The following PTPRT variants were observed in gnomAD, a reference collection of about 807,000 sequenced individuals.
PTPRT encodes the protein protein tyrosine phosphatase receptor type T, also known as receptor-type tyrosine-protein phosphatase T.
PTPRT carries 56 observed loss-of-function variants against 176.8 expected under a neutral mutation model. The ratio of observed to expected loss-of-function variants is 0.32; its 90% CI spans 0.26 to 0.40. The LOEUF is 0.40. PTPRT is among the 10% of genes least tolerant of loss of function. PTPRT has a pLI of 1.00. For missense variants in PTPRT, 1,540 were observed against 1,908.2 expected (o/e 0.81, Z 3.60); for synonymous variants, 783 against 739.0 (o/e 1.06, Z -0.96).
chr20:42,468,780 C>G (rs533300370), intron 8 of PTPRT, among the ~76,000 whole-genome samples: 9 of 152,250 alleles, frequency 5.9e-5, no homozygotes, highest in Middle Eastern at 3.4e-3. Context: ...CTTGGGAAAA[C>G]CTTATTGTTC....
chr20:42,713,064 A>G (rs190030007), intron 6 of PTPRT, among the ~76,000 whole-genome samples: 1 of 152,236 alleles, frequency 6.6e-6, no homozygotes, highest in Non-Finnish European at 1.5e-5. Context: ...TAAGAAAAAG[A>G]AGATAATATG....
intron 23 of PTPRT, among the ~76,000 whole-genome samples, chr20:42,108,584 T>G (rs900841925): frequency 6.6e-6 from 1 of 152,346 alleles, no homozygotes; most frequent in Admixed American, 6.5e-5. Context: ...ATTATTACTA[T>G]TATATTCAAC....
chr20:42,268,251 G>A (rs188016320), intron 13 of PTPRT, among the ~76,000 whole-genome samples: 1 of 152,334 alleles, frequency 6.6e-6, no homozygotes, highest in East Asian at 1.9e-4. Flanking sequence ...TGAGAAACGT[G>A]TGGAAATAAA....
intron 11 of PTPRT, among the ~76,000 whole-genome samples, chr20:42,346,206 G>A (rs2058192515): frequency 6.6e-6 from 1 of 152,166 alleles, no homozygotes; most frequent in Admixed American, 6.5e-5. Flanking sequence ...GGGGAGGAAT[G>A]AGGGGGAAAG....
chr20:42,448,489 T>C (rs1357939525), intron 8 of PTPRT, among the ~76,000 whole-genome samples, 160 bp from the exon 9 acceptor site: 1 of 152,226 alleles, frequency 6.6e-6, no homozygotes, highest in Non-Finnish European at 1.5e-5. Context: ...TACTCAACTC[T>C]GTCATTTTAG....
chr20:42,651,000 G>C (rs934127056), intron 7 of PTPRT, among the ~76,000 whole-genome samples: 3 of 151,712 alleles, frequency 2.0e-5, no homozygotes, highest in South Asian at 2.1e-4. Context: ...TAAACTAAAG[G>C]CTACTTTATT....
chr20:42,796,534 G>A (rs374908745), intron 2 of PTPRT, among the ~76,000 whole-genome samples: 4 of 152,294 alleles, frequency 2.6e-5, no homozygotes, highest in East Asian at 1.9e-4. Flanking sequence ...CAGATTTTCC[G>A]ACTCCGATTT....
chr20:42,186,067 A>AGG (rs1247671751), intron 16 of PTPRT, among the ~76,000 whole-genome samples: 1 of 152,104 alleles, frequency 6.6e-6, no homozygotes, highest in Non-Finnish European at 1.5e-5. Flanking sequence ...TGAAGGGAGA[A>AGG]GGGGGTCAGG....
At chr20:42,364,368 C>T (rs1003443089) in intron 9 of PTPRT, among the ~76,000 whole-genome samples, 3 of 151,796 alleles carry the variant, frequency 2.0e-5, no homozygotes, top group African/African-American at 7.3e-5. Context: ...AGGAAAGGAA[C>T]GAAAGGGAGG....
At chr20:42,953,902 C>T (rs1037705838) in intron 1 of PTPRT, among the ~76,000 whole-genome samples, 3 of 152,196 alleles carry the variant, frequency 2.0e-5, no homozygotes, top group African/African-American at 7.2e-5. Flanking sequence ...CCCTTTCAGT[C>T]GTGACAAGCA....
intron 26 of PTPRT, 130 bp downstream of exon 26, chr20:42,101,994 G>T: frequency 9.1e-7 from 1 of 1,104,794 alleles, no homozygotes; most frequent in Non-Finnish European, 1.3e-6. Context: ...AAGGTCCTTG[G>T]GACTAGTAGA....
At chr20:42,906,327 C>G (rs2079477964) in intron 1 of PTPRT, among the ~76,000 whole-genome samples, 1 of 152,214 alleles carries the variant, frequency 6.6e-6, no homozygotes, top group Admixed American at 6.5e-5. Flanking sequence ...GAGGGGAGCA[C>G]AGCCGCTGAG....
chr20:42,684,322 G>T (rs2075655249), intron 6 of PTPRT, among the ~76,000 whole-genome samples: 1 of 151,636 alleles, frequency 6.6e-6, no homozygotes, highest in Admixed American at 6.6e-5. Context: ...TCCAACCTGG[G>T]CAACACAGCG....
At chr20:42,929,026 T>A (rs1979662902) in intron 1 of PTPRT, among the ~76,000 whole-genome samples, 1 of 152,240 alleles carries the variant, frequency 6.6e-6, no homozygotes, top group African/African-American at 2.4e-5. Flanking sequence ...TTTTTGGCTT[T>A]GCCCATCAAT....
intron 1 of PTPRT, among the ~76,000 whole-genome samples, chr20:43,002,435 A>G (rs1203570646): frequency 6.6e-6 from 1 of 152,206 alleles, no homozygotes; most frequent in Non-Finnish European, 1.5e-5. Flanking sequence ...TACTGTAAAT[A>G]TTTAGTTCCT....
intron 9 of PTPRT, among the ~76,000 whole-genome samples, chr20:42,410,795 G>T (rs1292131011): frequency 6.6e-6 from 1 of 152,146 alleles, no homozygotes; most frequent in Non-Finnish European, 1.5e-5. Context: ...CCCAATATTT[G>T]TAAATTATAC....
At chr20:42,979,511 C>T (rs377329537) in intron 1 of PTPRT, among the ~76,000 whole-genome samples, 1 of 152,018 alleles carries the variant, frequency 6.6e-6, no homozygotes, top group African/African-American at 2.4e-5. Context: ...TTCTACTGCA[C>T]GCTGTGCTGA....
At chr20:42,699,423 C>T (rs77795916) in intron 6 of PTPRT, among the ~76,000 whole-genome samples, 1,591 of 152,208 alleles carry the variant, frequency 0.01, 30 homozygotes, top group African/African-American at 0.037. Context: ...AAGGTGCACA[C>T]TCATGGATAT....
chr20:42,734,075 C>T (rs777103134), intron 6 of PTPRT, among the ~76,000 whole-genome samples: 1 of 152,216 alleles, frequency 6.6e-6, no homozygotes, highest in South Asian at 2.1e-4. Context: ...TTACTGATTC[C>T]TGTAATGCCT....
Sources: allele counts gnomAD v4.1 joint callset (sites outside exome capture counted in the v4.1 genomes callset), GRCh38; gene constraint gnomAD v4.1.1; transcripts MANE v1.5; gene names NCBI Gene and HGNC (gene_info 2026-07-23, HGNC 2026-07-21).